The following CLASP1 variants were observed in gnomAD, a reference collection of about 807,000 sequenced individuals.
The protein encoded by CLASP1 is CLIP-associating protein 1.
CLASP1 carries 38 observed loss-of-function variants against 192.3 expected under a neutral mutation model. The observed-to-expected ratio is 0.20, with a 90% CI of 0.15 to 0.26. The LOEUF (loss-of-function observed/expected upper bound fraction) is 0.26. CLASP1 is among the 10% of genes least tolerant of loss of function. CLASP1 has a pLI of 1.00. For synonymous variants in CLASP1, 691 were observed against 712.8 expected (o/e 0.97, Z 0.49); for missense variants, 1,433 against 1,932.5 (o/e 0.74, Z 4.85).
intron 7 of CLASP1, among the ~76,000 whole-genome samples, chr2:121,508,985 C>G (rs2094029310): frequency 6.6e-6 from 1 of 152,044 alleles, no homozygotes; most frequent in Non-Finnish European, 1.5e-5. Context: ...GCCCAAAATA[C>G]AGGAAGCAAA....
In CLASP1 at chr2:121,530,918, G is replaced by A. The variant is rs772360964; in HGVS notation, c.196-593C>T. On this transcript the variant is annotated intron_variant, in intron 2 of 39. Coordinates refer to ENST00000263710, the Ensembl canonical transcript of CLASP1. The stretch of plus-strand genomic sequence containing the variant: ...TTGGGGTTGCGCTACTGTCCAATGA[G>A]CGCATAGTGAGGGCAGTACTGCTAA... 39 of 699,626 alleles carry A rather than the reference G, an allele frequency of 5.6e-5. No homozygotes were observed. The highest frequency in any genetic ancestry group is 2.8e-4 in the African/African-American group (16 of 57,164). 43.3% of individuals were successfully genotyped at this position (699,626 alleles called of 1,614,324 possible). A position where few individuals can be genotyped will look rare whatever the true frequency, so the allele number is the denominator to read the frequency against.
intron 31 of CLASP1, 111 bp downstream of exon 32, chr2:121,387,652 T>C: frequency 9.2e-7 from 1 of 1,083,400 alleles, no homozygotes; most frequent in Non-Finnish European, 1.3e-6. Context: ...TGCTCGACAT[T>C]TCCTGAAAGA....
intron 21 of CLASP1, 30 bp downstream of exon 21, chr2:121,427,374 C>A (rs72967386): frequency 0.045 from 72,884 of 1,607,098 alleles, 1,715 homozygotes; most frequent in East Asian, 0.12. Flanking sequence ...ACAACAACAA[C>A]AAAAAAAGGC....
chr2:121,469,322 A>G (rs2149961145), intron 9 of CLASP1, among the ~76,000 whole-genome samples: 1 of 152,314 alleles, frequency 6.6e-6, no homozygotes, highest in South Asian at 2.1e-4. Flanking sequence ...CACCACCCAC[A>G]GCACGACCCT....
chr2:121,407,429 A>G, intron 25 of CLASP1, 42 bp downstream of exon 26: 6 of 1,609,836 alleles, frequency 3.7e-6, no homozygotes, highest in Non-Finnish European at 5.1e-6. Flanking sequence ...AGAGTCCAAC[A>G]GGAGATTCAA....
chr2:121,528,759 C>G, exon 4 of CLASP1: 1 of 1,613,934 alleles, frequency 6.2e-7, no homozygotes, highest in Non-Finnish European at 8.5e-7. Context: ...ATCTCCTAGT[C>G]TGTCTATTAG....
rs189163075 is a variant in CLASP1 at position 121,570,430 on chromosome 2, C to T, written c.195+35271G>A. On this transcript the variant is annotated intron_variant, in intron 2 of 39. Coordinates refer to ENST00000263710, the Ensembl canonical transcript of CLASP1. ...TGAAAAATATCTCTGTGGCTAAAGTCATTCATGCTGAGCATTTCAGCAACA... is the reference window on the plus strand; with the variant it reads ...TGAAAAATATCTCTGTGGCTAAAGTTATTCATGCTGAGCATTTCAGCAACA... Among the ~76,000 whole-genome samples, 131 of 152,350 alleles carry T rather than the reference C, an allele frequency of 8.6e-4. No homozygotes were observed. The East Asian group carries it at 0.015, about 18-fold the overall frequency.
At chr2:121,452,956 C>T (rs964249751) in intron 14 of CLASP1, among the ~76,000 whole-genome samples, 18 of 152,094 alleles carry the variant, frequency 1.2e-4, no homozygotes, top group African/African-American at 4.1e-4. Context: ...TTCCTACAAC[C>T]TTCCCAATTC....
At chr2:121,644,477 C>A (rs2072758918) in intron 1 of CLASP1, among the ~76,000 whole-genome samples, 1 of 152,060 alleles carries the variant, frequency 6.6e-6, no homozygotes, top group Non-Finnish European at 1.5e-5. Context: ...ATGGTAAAAC[C>A]CCGTCTCTAC....
chr2:121,366,479 C>T (rs531424999), intron 35 of CLASP1, among the ~76,000 whole-genome samples: 4 of 152,328 alleles, frequency 2.6e-5, no homozygotes, highest in South Asian at 4.1e-4. Flanking sequence ...CTGATCCCTG[C>T]AAGAGGATCA....
chr2:121,608,871 CAAT>C (rs947739860), intron 1 of CLASP1, among the ~76,000 whole-genome samples: 4 of 151,670 alleles, frequency 2.6e-5, no homozygotes, highest in Admixed American at 6.6e-5. Flanking sequence ...AGATACTAAC[CAAT>C]AATAATAATA....
intron 8 of CLASP1, among the ~76,000 whole-genome samples, chr2:121,471,337 T>G (rs1288261797): frequency 1.3e-5 from 2 of 152,044 alleles, no homozygotes; most frequent in Non-Finnish European, 2.9e-5. Flanking sequence ...TGCAAACACT[T>G]TAATGATGCA....
rs143470595 is a variant in CLASP1, at chr2:121,485,034, T to C, written c.713-15074A>G. 3.3e-3 allele frequency among the ~76,000 whole-genome samples: 501 copies of C among 152,288 alleles called. 1 individual carries two copies. The highest frequency in any genetic ancestry group is 0.012 in the African/African-American group (485 of 41,552). On this transcript the variant is annotated intron_variant, in intron 8 of 39. Coordinates refer to ENST00000263710, the Ensembl canonical transcript of CLASP1. ...AAAGAAGAAAAAGAACAGTGTTCTGTAACAAAGTGAGGGGAAAGGCAGAGG... is the reference window on the plus strand; with the variant it reads ...AAAGAAGAAAAAGAACAGTGTTCTGCAACAAAGTGAGGGGAAAGGCAGAGG...
At chr2:121,409,625 T>G (rs527876614) in intron 24 of CLASP1, among the ~76,000 whole-genome samples, 1 of 152,208 alleles carries the variant, frequency 6.6e-6, no homozygotes, top group African/African-American at 2.4e-5. Context: ...GAAATTTCCC[T>G]GCCTTAAGTG....
At chr2:121,560,451 T>G (rs2105296355) in intron 2 of CLASP1, among the ~76,000 whole-genome samples, 1 of 152,316 alleles carries the variant, frequency 6.6e-6, no homozygotes, top group Admixed American at 6.5e-5. Flanking sequence ...AATTCGAAAT[T>G]TAAGAAAGCC....
At chr2:121,635,045 T>C (rs2070548428) in intron 1 of CLASP1, among the ~76,000 whole-genome samples, 1 of 151,844 alleles carries the variant, frequency 6.6e-6, no homozygotes, top group Admixed American at 6.6e-5. Flanking sequence ...GTTAAATCAG[T>C]CTCTTAGAGA....
At chr2:121,502,092 A>C (rs765967263) in intron 8 of CLASP1, among the ~76,000 whole-genome samples, 9 of 152,146 alleles carry the variant, frequency 5.9e-5, no homozygotes, top group Non-Finnish European at 7.4e-5. Flanking sequence ...CTGGAATCAC[A>C]AGAATTACCC....
intron 2 of CLASP1, among the ~76,000 whole-genome samples, chr2:121,573,687 A>C (rs1253999748): frequency 6.6e-6 from 1 of 152,228 alleles, no homozygotes; most frequent in Non-Finnish European, 1.5e-5. Flanking sequence ...TATCAGTATC[A>C]ATATCCTGGT....
At chr2:121,451,705 CAGAA>C in intron 15 of CLASP1, 81 bp downstream of exon 15, 1 of 1,054,544 alleles carries the variant, frequency 9.5e-7, no homozygotes, top group Non-Finnish European at 1.4e-6. Context: ...TCCATTCTTA[CAGAA>C]AGCCAGCTGG....
Sources: gnomAD v4.1 joint callset for allele counts (sites outside exome capture counted in the v4.1 genomes callset) on GRCh38, gnomAD v4.1.1 for gene constraint, MANE v1.5 for transcripts, NCBI Gene and HGNC (gene_info 2026-07-23, HGNC 2026-07-21) for gene names.